Variants in SNX6 observed in about 807,000 individuals in gnomAD.
The protein encoded by SNX6 is sorting nexin-6.
SNX6 carries 34 observed loss-of-function variants against 63.0 expected under a neutral mutation model. The ratio of observed to expected loss-of-function variants is 0.54; its 90% CI spans 0.41 to 0.72. SNX6 has a LOEUF of 0.72. SNX6 is among the 30% of genes least tolerant of loss of function. SNX6 has a pLI of 0.00. For missense variants in SNX6, 398 were observed against 471.4 expected (o/e 0.84, Z 1.44); for synonymous variants, 170 against 164.2 (o/e 1.04, Z -0.27).
chr14:34,584,565 A>G (rs539280940), intron 9 of SNX6, among the ~76,000 whole-genome samples: 29 of 152,020 alleles, frequency 1.9e-4, no homozygotes, highest in Non-Finnish European at 4.0e-4. Context: ...TTCACCTTCA[A>G]TGAAATACAT....
At chr14:34,617,424 G>A (rs1883457649) in intron 2 of SNX6, among the ~76,000 whole-genome samples, 1 of 152,012 alleles carries the variant, frequency 6.6e-6, no homozygotes, top group African/African-American at 2.4e-5. Flanking sequence ...AGGATCACTT[G>A]TGGTCAGGAG....
intron 3 of SNX6, 44 bp from the exon 4 acceptor site, chr14:34,608,184 TAA>T (rs751714642): frequency 8.3e-7 from 1 of 1,207,640 alleles, no homozygotes; most frequent in Non-Finnish European, 1.2e-6. Context: ...AAATTTACAC[TAA>T]AAAGTTTTTT....
At chr14:34,609,503 A>G (rs1017785857) in intron 3 of SNX6, 135 bp downstream of exon 3, 4 of 476,274 alleles carry the variant, frequency 8.4e-6, no homozygotes, top group Non-Finnish European at 1.1e-5. Context: ...AAAAAAAAAA[A>G]AGTACATTTT....
intron 2 of SNX6, among the ~76,000 whole-genome samples, chr14:34,627,379 G>A (rs972873438): frequency 5.3e-5 from 8 of 152,186 alleles, no homozygotes; most frequent in Admixed American, 3.3e-4. Flanking sequence ...TCCGGGAGGC[G>A]GAGCTTGCAG....
intron 4 of SNX6, 152 bp downstream of exon 4, chr14:34,607,878 A>G (rs1883080916): frequency 9.3e-6 from 4 of 430,084 alleles, no homozygotes; most frequent in Non-Finnish European, 1.3e-5. Flanking sequence ...ACTACACTCC[A>G]GCCTGGGCAA....
Position 34,603,416 on chromosome 14 carries a change from G to C in SNX6, c.448C>G (p.Arg150Gly). ...CTCAAAATAGGATGTGCTGCCACAC[G>C]ACACAGGAACACTTCATGCATCGCA... ...TVAMHEVFLC[R>G]VAAHPILRRD... Residue 150 changes from arginine to glycine, a missense_variant, in exon 6 of 14, where the codon CGT becomes GGT. Transcript: ENST00000362031. 1 of 1,609,900 alleles carries C rather than the reference G, an allele frequency of 6.2e-7. No individual in the cohort carries two copies. Among genetic ancestry groups the C allele is most frequent in the Non-Finnish European group, 8.5e-7 (1 of 1,177,640 alleles).
intron 13 of SNX6, among the ~76,000 whole-genome samples, chr14:34,563,787 G>A (rs1158268742): frequency 6.6e-6 from 1 of 150,928 alleles, no homozygotes; most frequent in Admixed American, 6.6e-5. Flanking sequence ...TGCCCAGACT[G>A]GAGTGCAATG....
At chr14:34,590,604 A>ATCCT (rs1882353886) in intron 8 of SNX6, among the ~76,000 whole-genome samples, 1 of 152,102 alleles carries the variant, frequency 6.6e-6, no homozygotes, top group South Asian at 2.1e-4. Flanking sequence ...AAGACTGACT[A>ATCCT]TCCTTGTTGG....
At chr14:34,621,232 C>T (rs972611044) in intron 2 of SNX6, among the ~76,000 whole-genome samples, 1 of 152,076 alleles carries the variant, frequency 6.6e-6, no homozygotes, top group Non-Finnish European at 1.5e-5. Context: ...TAGACATGAG[C>T]CACTGCGTCA....
intron 5 of SNX6, among the ~76,000 whole-genome samples, chr14:34,605,259 A>G (rs1046228682): frequency 6.6e-6 from 1 of 152,282 alleles, no homozygotes; most frequent in Admixed American, 6.5e-5. Context: ...CTACTTTAAA[A>G]AGTCATGTTC....
chr14:34,577,241 C>G (rs1198672278), intron 10 of SNX6, among the ~76,000 whole-genome samples: 1 of 151,752 alleles, frequency 6.6e-6, no homozygotes, highest in Non-Finnish European at 1.5e-5. Context: ...CGTCACCAAG[C>G]TTGGCTAATT....
rs1883974955 is a variant in SNX6, at chr14:34,629,892, G to A, written c.54+15C>T. On this transcript the variant is annotated intron_variant, in intron 2 of 13. Coordinates refer to ENST00000362031, the MANE Select transcript of SNX6 (RefSeq NM_152233.4). ...GGGTCCAGGGTCCCGCGAGCGAAAG[G>A]AAGGCAGAACTTACTCCGCGGTCCT... The A allele has an allele frequency of 6.4e-7, 1 of 1,556,614 alleles. No homozygotes were observed. Among genetic ancestry groups the A allele is most frequent in the Non-Finnish European group, 8.7e-7 (1 of 1,150,374 alleles).
At chr14:34,570,816 C>T (rs558016977) in intron 11 of SNX6, among the ~76,000 whole-genome samples, 43 of 150,724 alleles carry the variant, frequency 2.9e-4, no homozygotes, top group African/African-American at 1.0e-3. Context: ...TTCTGCCTCC[C>T]GGGTTCATGC....
intron 2 of SNX6, among the ~76,000 whole-genome samples, chr14:34,624,049 T>G (rs999665639): frequency 6.6e-6 from 1 of 152,204 alleles, no homozygotes; most frequent in African/African-American, 2.4e-5. Context: ...GTGGCCAATA[T>G]TTTTCAACAC....
At position 34,630,097 on chromosome 14, in the gene SNX6, CGGA is replaced by C. The variant is rs1883987698; in HGVS notation, c.6+11_6+13del. On this transcript the variant is annotated intron_variant, in intron 1 of 13. Coordinates refer to ENST00000362031, the MANE Select transcript of SNX6 (RefSeq NM_152233.4). Reference sequence around the variant, plus strand: ...ACCGCGCTCCCGGGACTCGGCGCCGCGGAGAACACCCACCATCATGGCTGCTCC... The same window carrying C: ...ACCGCGCTCCCGGGACTCGGCGCCGCGAACACCCACCATCATGGCTGCTCC... 3 of 1,446,896 alleles carry C rather than the reference CGGA, an allele frequency of 2.1e-6. No individual in the cohort carries two copies. The highest frequency in any genetic ancestry group is 2.4e-4 in the Middle Eastern group (1 of 4,158). 89.6% of individuals were successfully genotyped at this position (1,446,896 alleles called of 1,614,324 possible).
intron 2 of SNX6, among the ~76,000 whole-genome samples, chr14:34,611,261 G>A (rs1883215931): frequency 6.7e-6 from 1 of 150,172 alleles, no homozygotes; most frequent in Non-Finnish European, 1.5e-5. Flanking sequence ...CGAATTGCTT[G>A]AGCTCAGGAA....
At chr14:34,566,122 G>C (rs1215064076) in intron 13 of SNX6, among the ~76,000 whole-genome samples, 2 of 152,140 alleles carry the variant, frequency 1.3e-5, no homozygotes, top group East Asian at 3.9e-4. Context: ...GAAAAACAAT[G>C]AACATTAGAA....
intron 9 of SNX6, among the ~76,000 whole-genome samples, chr14:34,584,160 T>C (rs1370492291): frequency 1.3e-5 from 2 of 152,116 alleles, no homozygotes; most frequent in Non-Finnish European, 2.9e-5. Context: ...GGCATTTTAA[T>C]TAGTGTAAGC....
intron 9 of SNX6, among the ~76,000 whole-genome samples, chr14:34,581,815 C>T (rs4628872): frequency 0.38 from 57,250 of 151,886 alleles, 12,616 homozygotes; most frequent in East Asian, 0.73. Context: ...TACAGATAGA[C>T]TATCTGTTCA....
Sources: allele counts gnomAD v4.1 joint callset (sites outside exome capture counted in the v4.1 genomes callset), GRCh38; gene constraint gnomAD v4.1.1; transcripts MANE v1.5; gene names NCBI Gene and HGNC (gene_info 2026-07-23, HGNC 2026-07-21).